Variants in STS observed in about 807,000 individuals in gnomAD.
STS encodes steryl-sulfatase.
A neutral mutation model predicts 26.8 loss-of-function variants in STS; 7 were observed. That is an observed-to-expected ratio of 0.26 (90% CI 0.15 to 0.49). The LOEUF is 0.49. Among genes scored for constraint, STS ranks in the 20% least tolerant of loss-of-function variants. STS has a pLI of 0.98. For synonymous variants in STS, 199 were observed against 189.4 expected (o/e 1.05, Z -0.42); for missense variants, 434 against 465.6 (o/e 0.93, Z 0.63).
intron 2 of STS, among the ~76,000 whole-genome samples, chrX:7,214,246 T>C (rs1407321487): frequency 8.9e-6 from 1 of 112,400 alleles, no homozygotes; most frequent in Non-Finnish European, 1.9e-5. Context: ...ATTTTTTGAC[T>C]GATTGCGGAG....
chrX:7,319,357 C>A (rs1926854758), intron 8 of STS, among the ~76,000 whole-genome samples: 1 of 109,814 alleles, frequency 9.1e-6, no homozygotes, highest in Admixed American at 9.8e-5. Flanking sequence ...GATGGCATCT[C>A]ACCATGGTGC....
chrX:7,262,744 T>G (rs1396089454), intron 6 of STS, among the ~76,000 whole-genome samples: 1 of 111,560 alleles, frequency 9.0e-6, no homozygotes, highest in Non-Finnish European at 1.9e-5. Flanking sequence ...TAAAAGAACA[T>G]GTGAGCAAAC....
At chrX:7,307,660 G>T (rs1424818633) in intron 8 of STS, among the ~76,000 whole-genome samples, 1 of 112,157 alleles carries the variant, frequency 8.9e-6, no homozygotes, top group Non-Finnish European at 1.9e-5. Context: ...CCTGATTTGC[G>T]ATTGGTTTAG....
At chrX:7,295,605 A>G (rs1925625583) in intron 7 of STS, among the ~76,000 whole-genome samples, 1 of 110,760 alleles carries the variant, frequency 9.0e-6, no homozygotes, top group African/African-American at 3.3e-5. Context: ...AGCTCACCTT[A>G]TATTTAAGGT....
At chrX:7,219,743 T>C in intron 2 of STS, 1 of 1,169,822 alleles carries the variant, frequency 8.5e-7, no homozygotes, top group Non-Finnish European at 1.2e-6. Flanking sequence ...ACATACTAGT[T>C]GGGATGTTCA....
At chrX:7,261,221 A>G (rs1429965475) in intron 6 of STS, among the ~76,000 whole-genome samples, 1 of 111,559 alleles carries the variant, frequency 9.0e-6, no homozygotes, top group East Asian at 2.8e-4. Context: ...CTTAAACTCT[A>G]TGAGAGATGT....
At chrX:7,179,523 T>A (rs1933642628) in intron 1 of STS, among the ~76,000 whole-genome samples, 2 of 112,501 alleles carry the variant, frequency 1.8e-5, no homozygotes, top group Non-Finnish European at 3.8e-5. Context: ...TTCATATTCA[T>A]AGGATCTCCT....
chrX:7,228,833 T>C (rs1161052841), intron 2 of STS, among the ~76,000 whole-genome samples: 2 of 112,547 alleles, frequency 1.8e-5, no homozygotes, highest in Non-Finnish European at 3.7e-5. Context: ...TTTTACTCTT[T>C]ACATTTTAAT....
intron 10 of STS, among the ~76,000 whole-genome samples, chrX:7,336,105 G>A (rs1312753225): frequency 9.0e-6 from 1 of 111,375 alleles, no homozygotes; most frequent in Non-Finnish European, 1.9e-5. Flanking sequence ...GGTAAGTGGT[G>A]AGCAATTTAC....
At chrX:7,306,422 C>G (rs1188485911) in intron 8 of STS, among the ~76,000 whole-genome samples, 1 of 111,462 alleles carries the variant, frequency 9.0e-6, no homozygotes, top group Non-Finnish European at 1.9e-5. Context: ...CACAGTTTAC[C>G]TGCAAAGATA....
At chrX:7,270,174 G>A (rs1186871866) in intron 6 of STS, among the ~76,000 whole-genome samples, 1 of 112,087 alleles carries the variant, frequency 8.9e-6, no homozygotes, top group East Asian at 2.8e-4. Flanking sequence ...CAAGACAGTG[G>A]CAATAAATTT....
intron 6 of STS, among the ~76,000 whole-genome samples, chrX:7,270,766 A>G (rs1457034166): frequency 8.9e-6 from 1 of 111,950 alleles, no homozygotes; most frequent in African/African-American, 3.2e-5. Context: ...ATTCCCCTGC[A>G]TTCCAAGACA....
At chrX:7,312,445 T>C (rs954538856) in intron 8 of STS, among the ~76,000 whole-genome samples, 5 of 111,185 alleles carry the variant, frequency 4.5e-5, no homozygotes, top group African/African-American at 1.6e-4. Flanking sequence ...AACCATGGAG[T>C]AGGCATTCAA....
intron 7 of STS, among the ~76,000 whole-genome samples, chrX:7,287,440 TTTATTTC>T (rs1309506549): frequency 9.0e-6 from 1 of 111,195 alleles, no homozygotes; most frequent in Non-Finnish European, 1.9e-5. Context: ...GCTGGATAGA[TTTATTTC>T]TTATATGTTG....
chrX:7,278,012 C>T (rs1924622492), intron 7 of STS, among the ~76,000 whole-genome samples: 1 of 112,409 alleles, frequency 8.9e-6, no homozygotes, highest in Non-Finnish European at 1.9e-5. Flanking sequence ...ATTAGCATGG[C>T]ATACATGCCT....
At chrX:7,306,423 T>C (rs1263810117) in intron 8 of STS, among the ~76,000 whole-genome samples, 3 of 111,668 alleles carry the variant, frequency 2.7e-5, no homozygotes, top group Non-Finnish European at 5.6e-5. Context: ...ACAGTTTACC[T>C]GCAAAGATAT....
intron 10 of STS, among the ~76,000 whole-genome samples, chrX:7,344,054 C>T (rs1487205677): frequency 1.8e-5 from 2 of 112,199 alleles, no homozygotes; most frequent in Non-Finnish European, 3.8e-5. Context: ...TTGTCTGTCT[C>T]AGTCCAGCTT....
chrX:7,240,893 C>T (rs536781749), intron 2 of STS, among the ~76,000 whole-genome samples: 3 of 110,656 alleles, frequency 2.7e-5, no homozygotes, highest in African/African-American at 9.9e-5. Flanking sequence ...AGAATGCCTG[C>T]GGGAGTGAAA....
At chrX:7,153,043 G>A (rs975100459) in intron 1 of STS, among the ~76,000 whole-genome samples, 6 of 111,864 alleles carry the variant, frequency 5.4e-5, no homozygotes, top group Admixed American at 2.8e-4. Context: ...GAAGCATGTG[G>A]TCAGACCTTA....
Sources: allele counts gnomAD v4.1 joint callset (sites outside exome capture counted in the v4.1 genomes callset), GRCh38; gene constraint gnomAD v4.1.1; transcripts MANE v1.5; gene names NCBI Gene and HGNC (gene_info 2026-07-23, HGNC 2026-07-21).